Variants in CTNNA3 observed in about 807,000 individuals in gnomAD.
The protein encoded by CTNNA3 is catenin alpha 3, also known as catenin alpha-3.
A neutral mutation model predicts 95.7 loss-of-function variants in CTNNA3; 76 were observed. The ratio of observed to expected loss-of-function variants is 0.79; its 90% CI spans 0.66 to 0.96. The LOEUF (loss-of-function observed/expected upper bound fraction) is 0.96, where lower values mean the gene tolerates loss of function less well. Ranked by LOEUF, CTNNA3 falls within the 40% of genes least tolerant of loss-of-function variation. The pLI, the probability that CTNNA3 is intolerant of heterozygous loss-of-function variation, is 0.00. For missense variants in CTNNA3, 1,191 were observed against 1,089.8 expected, an observed-to-expected ratio of 1.09 and a Z score of -1.31; for synonymous variants, 431 against 374.4, an observed-to-expected ratio of 1.15 and a Z score of -1.74.
chr10:66,577,033 T>C (rs1843026953), intron 10 of CTNNA3, among the ~76,000 whole-genome samples: 1 of 139,704 alleles, frequency 7.2e-6, no homozygotes, highest in Non-Finnish European at 1.6e-5. Flanking sequence ...TTCTGACTGA[T>C]GTGAGATAGT....
intron 13 of CTNNA3, among the ~76,000 whole-genome samples, chr10:66,194,056 C>A (rs2086823111): frequency 6.6e-6 from 1 of 151,974 alleles, no homozygotes; most frequent in Admixed American, 6.6e-5. Flanking sequence ...TATGGAACAG[C>A]CAGAGAGATT....
intron 6 of CTNNA3, among the ~76,000 whole-genome samples, chr10:67,202,919 C>T (rs1255472709): frequency 6.6e-6 from 1 of 152,040 alleles, no homozygotes. Context: ...ATAATTTTAA[C>T]CAACATTCTT....
chr10:66,775,633 T>A, intron 7 of CTNNA3, 109 bp from the exon 8 acceptor site: 3 of 726,338 alleles, frequency 4.1e-6, no homozygotes, highest in Non-Finnish European at 7.2e-6. Context: ...CAAGAATAGG[T>A]TTCAAAACTG....
intron 14 of CTNNA3, among the ~76,000 whole-genome samples, chr10:66,097,666 C>G (rs994262199): frequency 5.3e-5 from 8 of 151,974 alleles, no homozygotes; most frequent in African/African-American, 1.9e-4. Context: ...TATTCTATTC[C>G]CCAAACTCTC....
intron 7 of CTNNA3, among the ~76,000 whole-genome samples, chr10:67,100,749 T>C (rs1357261879): frequency 6.6e-6 from 1 of 151,730 alleles, no homozygotes; most frequent in Non-Finnish European, 1.5e-5. Context: ...ACATTTTACA[T>C]AAATTATCTC....
chr10:67,495,102 C>T (rs1428554371), intron 5 of CTNNA3, among the ~76,000 whole-genome samples: 1 of 152,170 alleles, frequency 6.6e-6, no homozygotes, highest in African/African-American at 2.4e-5. Context: ...AACAGCTTGT[C>T]TCCCACCTGG....
intron 7 of CTNNA3, chr10:67,176,923 C>G (rs189019075): frequency 3.4e-5 from 17 of 505,150 alleles, no homozygotes; most frequent in Admixed American, 2.6e-4. Context: ...GAAAATAATG[C>G]ATTCCTCCAA....
At position 67,095,174 on chromosome 10, in the gene CTNNA3, T is replaced by C. The variant is rs562881073; in HGVS notation, c.1047+85143A>G. On this transcript the variant is annotated intron_variant, in intron 7 of 17. Transcript: ENST00000433211. The stretch of plus-strand genomic sequence containing the variant: ...AATCTACTGTGATGCTGTATTCAGA[T>C]ATGGCTAGCTGTTACATTCTACTTA... Among the ~76,000 whole-genome samples, 24 of 151,770 alleles carry C rather than the reference T, an allele frequency of 1.6e-4. No individual in the cohort carries two copies. The South Asian group carries it at 4.8e-3, about 30-fold the overall frequency.
chr10:67,082,124 G>C (rs891994276), intron 7 of CTNNA3, among the ~76,000 whole-genome samples: 1 of 152,156 alleles, frequency 6.6e-6, no homozygotes, highest in African/African-American at 2.4e-5. Context: ...CAATGCTATA[G>C]AGAGGATTTT....
At chr10:67,259,081 T>C (rs1297658840) in intron 5 of CTNNA3, among the ~76,000 whole-genome samples, 1 of 152,218 alleles carries the variant, frequency 6.6e-6, no homozygotes, top group Non-Finnish European at 1.5e-5. Flanking sequence ...CCACATATTT[T>C]CAACCCACAG....
intron 1 of CTNNA3, among the ~76,000 whole-genome samples, chr10:67,681,383 C>T (rs1589561861): frequency 6.6e-6 from 1 of 152,130 alleles, no homozygotes; most frequent in East Asian, 1.9e-4. Flanking sequence ...ATAAACTTAG[C>T]TTATGATAAA....
intron 13 of CTNNA3, among the ~76,000 whole-genome samples, chr10:66,198,186 A>G (rs1011716549): frequency 1.4e-4 from 21 of 152,276 alleles, no homozygotes; most frequent in East Asian, 1.9e-4. Context: ...CATTTTTTCA[A>G]TATTCCAAAT....
At chr10:67,200,523 T>C (rs1863598655) in intron 6 of CTNNA3, among the ~76,000 whole-genome samples, 1 of 152,090 alleles carries the variant, frequency 6.6e-6, no homozygotes, top group African/African-American at 2.4e-5. Context: ...GGCTCCTTGG[T>C]AAATTGTAGC....
chr10:66,199,805 A>ATATATATAT (rs1564756586), intron 13 of CTNNA3, among the ~76,000 whole-genome samples: 1 of 14,288 alleles, frequency 7.0e-5, no homozygotes, highest in Non-Finnish European at 1.1e-4. Context: ...ATATATATAT[A>ATATATATAT]TTTTTTTTTT....
At chr10:66,513,812 A>C (rs1334661566) in intron 11 of CTNNA3, among the ~76,000 whole-genome samples, 2 of 152,134 alleles carry the variant, frequency 1.3e-5, no homozygotes, top group African/African-American at 4.8e-5. Flanking sequence ...TTGGATTTCT[A>C]TGTCCTGGGG....
chr10:66,115,547 TA>T (rs1209234966), intron 13 of CTNNA3, among the ~76,000 whole-genome samples: 1 of 146,574 alleles, frequency 6.8e-6, no homozygotes, highest in South Asian at 2.2e-4. Context: ...GATAGATAGA[TA>T]GATAGATAGA....
In CTNNA3 at chr10:66,219,911, G is replaced by A. The variant is rs113607677; in HGVS notation, c.1884+60559C>T. 2.0e-3 allele frequency among the ~76,000 whole-genome samples: 310 copies of A among 152,194 alleles called. 2 individuals are homozygous for A. The highest frequency in any genetic ancestry group is 7.3e-3 in the African/African-American group (302 of 41,512). On this transcript the variant is annotated intron_variant, in intron 13 of 17. Coordinates refer to ENST00000433211, the MANE Select transcript of CTNNA3 (RefSeq NM_013266.4). ...GGCTGAGGCGGGCGGCTCCTTTGAG[G>A]TCAGGAGTTTGAGACAAGCCTGGTC...
At chr10:66,262,586 T>C (rs1405345335) in intron 13 of CTNNA3, among the ~76,000 whole-genome samples, 1 of 151,870 alleles carries the variant, frequency 6.6e-6, no homozygotes, top group Non-Finnish European at 1.5e-5. Context: ...GAATGGTCTT[T>C]TTTTTTGCAA....
chr10:67,750,950 C>G, intron 1 of CTNNA3: 1 of 1,606,020 alleles, frequency 6.2e-7, no homozygotes, highest in Non-Finnish European at 8.5e-7. Flanking sequence ...TGGGCCAAGC[C>G]AGAGGACCCT....
Sources: gnomAD v4.1 joint callset for allele counts (sites outside exome capture counted in the v4.1 genomes callset) on GRCh38, gnomAD v4.1.1 for gene constraint, MANE v1.5 for transcripts, NCBI Gene and HGNC (gene_info 2026-07-23, HGNC 2026-07-21) for gene names.